PPHLN1: variants seen among roughly 807,000 people sequenced by gnomAD.
PPHLN1 encodes the protein periphilin 1, also known as periphilin-1.
PPHLN1 carries 29 observed loss-of-function variants against 51.3 expected under a neutral mutation model. The ratio of observed to expected loss-of-function variants is 0.57; its 90% CI spans 0.42 to 0.77. The LOEUF (loss-of-function observed/expected upper bound fraction) is 0.77, where lower values mean the gene tolerates loss of function less well. Ranked by LOEUF, PPHLN1 falls within the 30% of genes least tolerant of loss-of-function variation. The probability of loss-of-function intolerance (pLI) is 0.00; values close to 1 mark genes in which losing one functional copy is unlikely to be tolerated. For synonymous variants in PPHLN1, 147 were observed against 147.8 expected, an observed-to-expected ratio of 0.99 and a Z score of 0.04; for missense variants, 436 against 438.4, an observed-to-expected ratio of 0.99 and a Z score of 0.05.
chr12:42,365,207 A>G (rs1267479604), intron 4 of PPHLN1, among the ~76,000 whole-genome samples: 1 of 152,192 alleles, frequency 6.6e-6, no homozygotes, highest in Non-Finnish European at 1.5e-5. Context: ...TTGAGGTTGT[A>G]CTTCACTTAT....
downstream of PPHLN1, chr12:42,446,121 G>GT: frequency 6.4e-7 from 1 of 1,563,136 alleles, no homozygotes. Context: ...AAACGGGTTC[G>GT]TCGGACGACA....
chr12:42,329,108 T>TTTTTTTTTTTTTTG (rs1555174843), intron 1 of PPHLN1, among the ~76,000 whole-genome samples: 1 of 124,976 alleles, frequency 8.0e-6, no homozygotes, highest in African/African-American at 2.9e-5. Flanking sequence ...TTTTTTTTTT[T>TTTTTTTTTTTTTTG]TGTGTGTGTG....
chr12:42,383,983 CAAAAAAA>C (rs61016692), intron 5 of PPHLN1, among the ~76,000 whole-genome samples: 9 of 51,640 alleles, frequency 1.7e-4, no homozygotes, highest in African/African-American at 4.0e-4. Context: ...GACTGTGTCT[CAAAAAAA>C]AAAAAAAAAA....
At chr12:42,408,263 T>C (rs2079493370) in intron 9 of PPHLN1, among the ~76,000 whole-genome samples, 2 of 152,080 alleles carry the variant, frequency 1.3e-5, no homozygotes, top group African/African-American at 2.4e-5. Context: ...CCCAGCACTT[T>C]GGGAGGCTGA....
intron 5 of PPHLN1, among the ~76,000 whole-genome samples, chr12:42,378,416 C>T (rs186325939): frequency 1.1e-4 from 16 of 151,968 alleles, no homozygotes; most frequent in East Asian, 7.7e-4. Context: ...TATTGCAGCA[C>T]CTGGCTTTTT....
chr12:42,326,696 A>AC (rs2068830693), intron 1 of PPHLN1, among the ~76,000 whole-genome samples: 1 of 152,148 alleles, frequency 6.6e-6, no homozygotes. Flanking sequence ...ATGGGTATGG[A>AC]CAAGTGTTGA....
chr12:42,346,810 A>T (rs1386917541), intron 2 of PPHLN1, among the ~76,000 whole-genome samples: 4 of 152,050 alleles, frequency 2.6e-5, no homozygotes, highest in Non-Finnish European at 5.9e-5. Flanking sequence ...GGGATATCTC[A>T]TAGTGGTTTT....
At position 42,326,168 on chromosome 12, in the gene PPHLN1, C is replaced by T. The variant is rs1392100346; in HGVS notation, c.-82C>T. 2 of 152,312 alleles carry T rather than the reference C, an allele frequency of 1.3e-5. No individual in the cohort carries two copies. Among genetic ancestry groups the T allele is most frequent in the Non-Finnish European group, 2.9e-5 (2 of 68,098 alleles). The allele number at this position is 152,312 out of a possible 1,614,324, so 9.4% of individuals were successfully genotyped here. ...TCATTGCGCGCGCCGGAAGTACCTA[C>T]CTGGGATAACGGCGGCGAGCGGACG... On this transcript the variant is annotated 5_prime_UTR_variant, in exon 1 of 10. Transcript: ENST00000358314.
At chr12:42,333,047 G>C (rs1466613659) in intron 1 of PPHLN1, among the ~76,000 whole-genome samples, 1 of 152,078 alleles carries the variant, frequency 6.6e-6, no homozygotes, top group African/African-American at 2.4e-5. Flanking sequence ...AGAGGCAATT[G>C]CTGTTGCATT....
chr12:42,381,597 T>C (rs1328233064), intron 5 of PPHLN1, among the ~76,000 whole-genome samples: 3 of 152,206 alleles, frequency 2.0e-5, no homozygotes, highest in African/African-American at 7.2e-5. Flanking sequence ...CCCCTCTACC[T>C]GTTTCTTTTC....
chr12:42,360,111 A>AG (rs3084534), intron 4 of PPHLN1, among the ~76,000 whole-genome samples: 1 of 24,252 alleles, frequency 4.1e-5, no homozygotes, highest in Non-Finnish European at 1.2e-4. Flanking sequence ...ACTCCATCTC[A>AG]AAAAAAAAAA....
intron 9 of PPHLN1, among the ~76,000 whole-genome samples, chr12:42,430,277 T>TCA (rs141544668): frequency 0.075 from 11,218 of 148,898 alleles, 430 homozygotes; most frequent in Admixed American, 0.1. Flanking sequence ...ACCCCTACAG[T>TCA]CACACACACA....
chr12:42,412,134 G>A (rs1162086366), intron 9 of PPHLN1, among the ~76,000 whole-genome samples: 1 of 152,078 alleles, frequency 6.6e-6, no homozygotes, highest in African/African-American at 2.4e-5. Context: ...GAACCCAGGA[G>A]GCGGAGGTTG....
At chr12:42,446,147 A>T (rs2083309932), downstream of PPHLN1, 1 of 1,594,840 alleles carries the variant, frequency 6.3e-7, no homozygotes, top group South Asian at 1.1e-5. Context: ...TCGTCGGACG[A>T]CAGGAGCCCC....
At chr12:42,417,442 C>T (rs532640982) in intron 9 of PPHLN1, among the ~76,000 whole-genome samples, 2 of 152,158 alleles carry the variant, frequency 1.3e-5, no homozygotes, top group African/African-American at 4.8e-5. Context: ...GTCCTATCAG[C>T]AGTTGGATTT....
intron 9 of PPHLN1, among the ~76,000 whole-genome samples, chr12:42,432,715 A>G (rs186207327): frequency 6.6e-6 from 1 of 152,284 alleles, no homozygotes; most frequent in East Asian, 1.9e-4. Context: ...GCTGAATGTT[A>G]CTACCATGTG....
chr12:42,333,858 G>A (rs2070187221), intron 1 of PPHLN1, among the ~76,000 whole-genome samples: 1 of 152,144 alleles, frequency 6.6e-6, no homozygotes, highest in Non-Finnish European at 1.5e-5. Context: ...AGAGCTTTTG[G>A]ATGAAAATAA....
Position 42,335,907 on chromosome 12 carries a change from G to A in PPHLN1, c.5G>A (p.Trp2Ter). The change falls in exon 2 of 10, where the codon TGG becomes TAG. Residue 2 changes from tryptophan to a stop codon, truncating the protein, a stop_gained. Coordinates refer to ENST00000358314, the MANE Select transcript of PPHLN1 (RefSeq NM_201439.2). LOFTEE classifies it high-confidence loss of function. ...GTGGCTTACAGAAGAGACGAAATGT[G>A]GTCTGAGGGACGATATGAATATGAA... M[W>*]SEGRYEYERI... 1 of 1,578,492 alleles carries A rather than the reference G, an allele frequency of 6.3e-7. No individual in the cohort carries two copies. The highest frequency in any genetic ancestry group is 8.6e-7 in the Non-Finnish European group (1 of 1,160,884).
rs551273058 is a variant in PPHLN1 at position 42,390,016 on chromosome 12, AGTTAGAAGTTCTC to A, written c.648+2482_648+2494del. Among the ~76,000 whole-genome samples the A allele has an allele frequency of 2.1e-3, 313 of 152,312 alleles. 1 individual carries two copies. Among genetic ancestry groups the A allele is most frequent in the African/African-American group, 7.2e-3 (298 of 41,560 alleles). On this transcript the variant is annotated intron_variant, in intron 7 of 9. Coordinates refer to ENST00000358314, the MANE Select transcript of PPHLN1 (RefSeq NM_201439.2). ...GTTGCTGTTTCCATCTGTTCTCTCCAGTTAGAAGTTCTCTTCACAGATATCATACCCTTTCTCT... is the reference window on the plus strand; with the variant it reads ...GTTGCTGTTTCCATCTGTTCTCTCCATTCACAGATATCATACCCTTTCTCT...
Sources: gnomAD v4.1 joint callset for allele counts (sites outside exome capture counted in the v4.1 genomes callset) on GRCh38, gnomAD v4.1.1 for gene constraint, MANE v1.5 for transcripts, NCBI Gene and HGNC (gene_info 2026-07-23, HGNC 2026-07-21) for gene names.